Variants in LRP1B observed in about 807,000 individuals in gnomAD.
LRP1B encodes the protein low-density lipoprotein receptor-related protein 1B.
A neutral mutation model predicts 556.6 loss-of-function variants in LRP1B; 217 were observed. That is an observed-to-expected ratio of 0.39 (90% CI 0.35 to 0.44). The LOEUF is 0.44. Among genes scored for constraint, LRP1B ranks in the 20% least tolerant of loss-of-function variants. The pLI is 1.00. For synonymous variants in LRP1B, 2,047 were observed against 1,865.8 expected (o/e 1.10, Z -2.50); for missense variants, 5,053 against 5,620.8 (o/e 0.90, Z 3.23).
At chr2:141,365,897 T>C (rs907592228) in intron 3 of LRP1B, among the ~76,000 whole-genome samples, 1 of 152,070 alleles carries the variant, frequency 6.6e-6, no homozygotes, top group Non-Finnish European at 1.5e-5. Flanking sequence ...ATGGTCTTGA[T>C]CTCCTGACCT....
At chr2:141,776,962 T>C (rs1695099260) in intron 2 of LRP1B, among the ~76,000 whole-genome samples, 1 of 152,152 alleles carries the variant, frequency 6.6e-6, no homozygotes, top group Non-Finnish European at 1.5e-5. Flanking sequence ...AACTACATTG[T>C]TTTTGCATGG....
chr2:141,618,058 G>C (rs1013413519), intron 2 of LRP1B, among the ~76,000 whole-genome samples: 2 of 152,154 alleles, frequency 1.3e-5, no homozygotes, highest in African/African-American at 4.8e-5. Context: ...TCAAAGTCCT[G>C]AGTGTTTGCT....
chr2:141,791,131 A>G (rs1468325689), intron 2 of LRP1B, among the ~76,000 whole-genome samples: 2 of 152,026 alleles, frequency 1.3e-5, no homozygotes, highest in African/African-American at 4.8e-5. Flanking sequence ...ATTCTGAAGC[A>G]TTTTGGCTAA....
At chr2:141,511,153 T>C (rs1011225692) in intron 2 of LRP1B, among the ~76,000 whole-genome samples, 1 of 152,066 alleles carries the variant, frequency 6.6e-6, no homozygotes, top group African/African-American at 2.4e-5. Flanking sequence ...CTGGCAAGAG[T>C]ATGAAAATAT....
intron 2 of LRP1B, among the ~76,000 whole-genome samples, chr2:141,588,609 C>T (rs903397073): frequency 2.6e-5 from 4 of 152,082 alleles, no homozygotes; most frequent in Non-Finnish European, 5.9e-5. Context: ...CATGGGCTTC[C>T]GTTTCTTTAA....
chr2:141,361,204 A>C (rs976994488), intron 3 of LRP1B, among the ~76,000 whole-genome samples: 1 of 152,174 alleles, frequency 6.6e-6, no homozygotes, highest in Non-Finnish European at 1.5e-5. Context: ...CTTTAGCTAC[A>C]GTGAGGATAT....
At chr2:141,862,085 T>C (rs1698264388) in intron 1 of LRP1B, among the ~76,000 whole-genome samples, 1 of 152,156 alleles carries the variant, frequency 6.6e-6, no homozygotes, top group African/African-American at 2.4e-5. Flanking sequence ...TCAAATGAAA[T>C]ACAAACTACA....
intron 2 of LRP1B, among the ~76,000 whole-genome samples, chr2:141,773,245 A>C (rs1315244212): frequency 6.6e-6 from 1 of 152,208 alleles, no homozygotes; most frequent in African/African-American, 2.4e-5. Context: ...AATTAAAAGT[A>C]GACAATCCTT....
chr2:141,256,972 C>G (rs1263766336), intron 3 of LRP1B, among the ~76,000 whole-genome samples: 1 of 151,740 alleles, frequency 6.6e-6, no homozygotes, highest in Non-Finnish European at 1.5e-5. Flanking sequence ...GAAGAGGTAT[C>G]AGCGATAAGA....
intron 21 of LRP1B, among the ~76,000 whole-genome samples, chr2:140,911,897 G>A (rs1694430411): frequency 2.0e-5 from 3 of 151,566 alleles, no homozygotes; most frequent in African/African-American, 7.3e-5. Context: ...CAATCTTTTA[G>A]AGTCAGAATA....
At chr2:142,117,682 G>C (rs1286620643) in intron 1 of LRP1B, among the ~76,000 whole-genome samples, 2 of 151,974 alleles carry the variant, frequency 1.3e-5, no homozygotes, top group African/African-American at 4.8e-5. Context: ...TATCTTGATA[G>C]GCAATATTTA....
At chr2:141,495,339 G>A (rs952215122) in intron 2 of LRP1B, among the ~76,000 whole-genome samples, 5 of 152,054 alleles carry the variant, frequency 3.3e-5, no homozygotes, top group Non-Finnish European at 5.9e-5. Context: ...TGCCCTTTCT[G>A]ACCACTCATA....
At chr2:140,978,726 T>C (rs1449910695) in intron 18 of LRP1B, among the ~76,000 whole-genome samples, 1 of 152,222 alleles carries the variant, frequency 6.6e-6, no homozygotes, top group Non-Finnish European at 1.5e-5. Context: ...TCTTCTGATG[T>C]AAATTTTGAT....
chr2:140,786,297 C>A (rs1171282352), intron 32 of LRP1B, among the ~76,000 whole-genome samples: 1 of 152,118 alleles, frequency 6.6e-6, no homozygotes, highest in East Asian at 1.9e-4. Context: ...TAACTAAAGG[C>A]AGCATATTTG....
chr2:141,600,386 T>C (rs1352177462), intron 2 of LRP1B, among the ~76,000 whole-genome samples: 1 of 152,198 alleles, frequency 6.6e-6, no homozygotes, highest in African/African-American at 2.4e-5. Flanking sequence ...AGAGATTTAT[T>C]GTATTCCACG....
At chr2:140,651,951 G>T (rs1311846719) in intron 41 of LRP1B, among the ~76,000 whole-genome samples, 1 of 152,002 alleles carries the variant, frequency 6.6e-6, no homozygotes. Flanking sequence ...TAAAGGCTTA[G>T]GAAAACAATA....
chr2:141,722,878 T>A (rs1692886192), intron 2 of LRP1B, among the ~76,000 whole-genome samples: 1 of 152,194 alleles, frequency 6.6e-6, no homozygotes, highest in African/African-American at 2.4e-5. Flanking sequence ...TTCATCCAAG[T>A]AAGCGTATGT....
chr2:141,351,656 C>T (rs1235578205), intron 3 of LRP1B, among the ~76,000 whole-genome samples: 2 of 151,958 alleles, frequency 1.3e-5, no homozygotes, highest in East Asian at 3.9e-4. Flanking sequence ...ACAATTCAGA[C>T]CCCTTTTTAG....
At chr2:140,569,355 G>T (rs1230145237) in intron 43 of LRP1B, among the ~76,000 whole-genome samples, 22 of 151,838 alleles carry the variant, frequency 1.4e-4, no homozygotes, top group Admixed American at 1.4e-3. Context: ...TAGACTGAAA[G>T]TGAAGGGAGA....
Sources: allele counts gnomAD v4.1 joint callset (sites outside exome capture counted in the v4.1 genomes callset), GRCh38; gene constraint gnomAD v4.1.1; transcripts MANE v1.5; gene names NCBI Gene and HGNC (gene_info 2026-07-23, HGNC 2026-07-21).